KCNIP1: variants seen among roughly 807,000 people sequenced by gnomAD.
The protein encoded by KCNIP1 is A-type potassium channel modulatory protein KCNIP1.
Under a neutral mutation model 33.0 loss-of-function variants are expected in KCNIP1, and 18 were observed. The ratio of observed to expected loss-of-function variants is 0.55; its 90% CI spans 0.38 to 0.81. KCNIP1 has a LOEUF of 0.81. KCNIP1 is among the 30% of genes least tolerant of loss of function. The pLI is 0.00. For missense variants in KCNIP1, 238 were observed against 271.6 expected, an observed-to-expected ratio of 0.88 and a Z score of 0.87; for synonymous variants, 93 against 98.3, an observed-to-expected ratio of 0.95 and a Z score of 0.32.
intron 1 of KCNIP1, among the ~76,000 whole-genome samples, chr5:170,473,494 C>T (rs79733153): frequency 6.6e-6 from 1 of 152,186 alleles, no homozygotes; most frequent in Non-Finnish European, 1.5e-5. Flanking sequence ...AGTCTACCTT[C>T]TTACCAATAA....
At position 170,390,517 on chromosome 5, in the gene KCNIP1, A is replaced by AAATATAT; in HGVS notation, c.88+36554_88+36555insATATATA. 4.3e-4 allele frequency among the ~76,000 whole-genome samples: 32 copies of AAATATAT among 74,540 alleles called. 1 individual carries two copies. The highest frequency in any genetic ancestry group is 1.4e-3 in the African/African-American group (22 of 15,612). The allele number at this position is 74,540 out of a possible 152,430, so 48.9% of individuals were successfully genotyped here. On this transcript the variant is annotated intron_variant, in intron 1 of 7. Coordinates refer to the KCNIP1 transcript ENST00000377360. ...GACCCCGTCTCAAAAAAAAAAAACAAATATATATATATATATATATATTTT... is the reference window on the plus strand; with the variant it reads ...GACCCCGTCTCAAAAAAAAAAAACAAAATATATATATATATATATATATATATATTTT...
intron 1 of KCNIP1, among the ~76,000 whole-genome samples, chr5:170,583,491 T>A (rs1757874128): frequency 6.6e-6 from 1 of 152,166 alleles, no homozygotes; most frequent in African/African-American, 2.4e-5. Flanking sequence ...AAAGCCCTCA[T>A]GGGTCTTGGA....
chr5:170,706,514 C>T (rs892709582), intron 1 of KCNIP1, among the ~76,000 whole-genome samples: 7 of 152,286 alleles, frequency 4.6e-5, no homozygotes, highest in South Asian at 2.1e-4. Flanking sequence ...AGCCTACCAA[C>T]GCTAGCTCTC....
At chr5:170,443,889 G>A (rs555472886) in intron 1 of KCNIP1, among the ~76,000 whole-genome samples, 101 of 152,326 alleles carry the variant, frequency 6.6e-4, no homozygotes, top group African/African-American at 2.3e-3. Flanking sequence ...AAGGGAGTCA[G>A]GCCCAGGGCA....
intron 1 of KCNIP1, among the ~76,000 whole-genome samples, chr5:170,355,962 C>G (rs933064657): frequency 1.3e-5 from 2 of 152,224 alleles, no homozygotes; most frequent in Non-Finnish European, 2.9e-5. Flanking sequence ...CAAGTGTTTA[C>G]ACAGCCCCGG....
chr5:170,436,628 T>C (rs1755871175), intron 1 of KCNIP1, among the ~76,000 whole-genome samples: 1 of 152,172 alleles, frequency 6.6e-6, no homozygotes, highest in African/African-American at 2.4e-5. Context: ...AGCGCAGGTG[T>C]GTGCATGCAT....
chr5:170,503,393 CAAAA>C (rs10628243), upstream of KCNIP1, among the ~76,000 whole-genome samples: 3 of 112,526 alleles, frequency 2.7e-5, no homozygotes, highest in South Asian at 3.0e-4. Flanking sequence ...GACTCCGTCT[CAAAA>C]AAAAAAAAAA....
intron 1 of KCNIP1, among the ~76,000 whole-genome samples, chr5:170,628,579 GT>G (rs1759929655): frequency 6.6e-6 from 1 of 152,146 alleles, no homozygotes; most frequent in Non-Finnish European, 1.5e-5. Flanking sequence ...GGGAAAAAAT[GT>G]AATAAAATAT....
intron 1 of KCNIP1, among the ~76,000 whole-genome samples, chr5:170,705,352 G>A (rs1763223020): frequency 6.6e-6 from 1 of 152,196 alleles, no homozygotes; most frequent in South Asian, 2.1e-4. Context: ...TGAACTGACT[G>A]CACTCCTTGC....
In KCNIP1 at chr5:170,504,681, T is replaced by C. The variant is rs374514902; in HGVS notation, c.61+48T>C. On this transcript the variant is annotated intron_variant, in intron 1 of 7. Transcript: ENST00000328939. This position sits in a 1 kb window ranked among gnomAD's most constrained non-coding sequence, Gnocchi z 6.0. ...TTCCCCTGTCTGGGCTTGGGGGTGCTAGGCGCCGAGGTGGGCTGTGCCACC... is the reference window on the plus strand; with the variant it reads ...TTCCCCTGTCTGGGCTTGGGGGTGCCAGGCGCCGAGGTGGGCTGTGCCACC... The C allele has an allele frequency of 5.8e-6, 9 of 1,542,064 alleles. No homozygotes were observed. The highest frequency in any genetic ancestry group is 1.1e-5 in the South Asian group (1 of 89,706).
intron 1 of KCNIP1, among the ~76,000 whole-genome samples, chr5:170,587,905 G>A (rs921948999): frequency 6.6e-6 from 1 of 152,228 alleles, no homozygotes; most frequent in Non-Finnish European, 1.5e-5. Context: ...CTACAGGCAG[G>A]TGTTGTCCTT....
At chr5:170,435,384 G>C (rs539558799) in intron 1 of KCNIP1, among the ~76,000 whole-genome samples, 1 of 152,214 alleles carries the variant, frequency 6.6e-6, no homozygotes, top group Non-Finnish European at 1.5e-5. Flanking sequence ...AACCAGAAAC[G>C]GGACTTTGAG....
At chr5:170,356,643 C>T (rs78234937) in intron 1 of KCNIP1, among the ~76,000 whole-genome samples, 1 of 152,354 alleles carries the variant, frequency 6.6e-6, no homozygotes, top group Non-Finnish European at 1.5e-5. Flanking sequence ...TAAAGGCTCT[C>T]TTCCCCACTA....
At chr5:170,563,176 G>A (rs1384311250) in intron 1 of KCNIP1, among the ~76,000 whole-genome samples, 4 of 152,192 alleles carry the variant, frequency 2.6e-5, no homozygotes, top group Non-Finnish European at 2.9e-5. Context: ...GAGTGCAGAT[G>A]ACTATTTCAC....
intron 7 of KCNIP1, among the ~76,000 whole-genome samples, chr5:170,734,572 G>A (rs1764317361): frequency 6.6e-6 from 1 of 152,170 alleles, no homozygotes; most frequent in Non-Finnish European, 1.5e-5. Context: ...CAATAGACCA[G>A]CCCCAGAGTC....
intron 1 of KCNIP1, among the ~76,000 whole-genome samples, chr5:170,596,096 G>C (rs1251569878): frequency 6.6e-6 from 1 of 152,102 alleles, no homozygotes; most frequent in Non-Finnish European, 1.5e-5. Flanking sequence ...CCTTTATAAC[G>C]GGGCTTCGAA....
chr5:170,582,181 G>A (rs552406767), intron 1 of KCNIP1, among the ~76,000 whole-genome samples: 1 of 152,286 alleles, frequency 6.6e-6, no homozygotes, highest in Non-Finnish European at 1.5e-5. Flanking sequence ...CCCACCTAAC[G>A]AATGCAAAAG....
chr5:170,679,626 A>AGT (rs58712710), intron 1 of KCNIP1, among the ~76,000 whole-genome samples: 20,256 of 144,356 alleles, frequency 0.14, 1,716 homozygotes, highest in East Asian at 0.48. Context: ...TGTATATGAC[A>AGT]GTGTGTGTGT....
chr5:170,681,803 T>C (rs1242684182), intron 1 of KCNIP1, among the ~76,000 whole-genome samples: 1 of 152,210 alleles, frequency 6.6e-6, no homozygotes, highest in East Asian at 1.9e-4. Flanking sequence ...AGTGATTTGG[T>C]TTCCAACGTT....
Sources: gnomAD v4.1 joint callset for allele counts (sites outside exome capture counted in the v4.1 genomes callset) on GRCh38, gnomAD v4.1.1 for gene constraint, Gnocchi (gnomAD v3.1) non-coding constraint, MANE v1.5 for transcripts, NCBI Gene and HGNC (gene_info 2026-07-23, HGNC 2026-07-21) for gene names.